The following SEL1L3 variants were observed in gnomAD, a reference collection of about 807,000 sequenced individuals.
SEL1L3 encodes SEL1L family member 3.
A neutral mutation model predicts 142.8 loss-of-function variants in SEL1L3; 76 were observed. The observed-to-expected ratio is 0.53, with a 90% CI of 0.44 to 0.64. SEL1L3 has a LOEUF of 0.64. Ranked by LOEUF, SEL1L3 falls within the 30% of genes least tolerant of loss-of-function variation. The probability of loss-of-function intolerance (pLI) is 0.00; values close to 1 mark genes in which losing one functional copy is unlikely to be tolerated. For missense variants in SEL1L3, 1,262 were observed against 1,381.7 expected (o/e 0.91, Z 1.37); for synonymous variants, 504 against 519.6 (o/e 0.97, Z 0.41).
intron 12 of SEL1L3, 75 bp downstream of exon 12, chr4:25,790,380 G>T: frequency 7.1e-7 from 1 of 1,413,264 alleles, no homozygotes; most frequent in South Asian, 1.2e-5. Context: ...TGCAGTTTGA[G>T]ATGTTTCATT....
intron 13 of SEL1L3, among the ~76,000 whole-genome samples, chr4:25,786,937 G>T (rs1186817177): frequency 6.6e-6 from 1 of 152,218 alleles, no homozygotes; most frequent in Admixed American, 6.5e-5. Context: ...CCACAGCTGT[G>T]TTCTGGAGAT....
the SEL1L3 span, among the ~76,000 whole-genome samples, chr4:25,734,277 C>G: frequency 1.3e-5 from 2 of 152,122 alleles, no homozygotes; most frequent in Non-Finnish European, 2.9e-5. Context: ...AACTCCTGAC[C>G]TCAGGTGATC....
chr4:25,741,168 G>A, the SEL1L3 span, among the ~76,000 whole-genome samples: 3 of 150,514 alleles, frequency 2.0e-5, no homozygotes, highest in African/African-American at 7.4e-5. Context: ...GCAGTGGTGC[G>A]ATCTCGGCTC....
intron 1 of SEL1L3, among the ~76,000 whole-genome samples, chr4:25,851,887 CAAAAAAAAAAAA>C (rs35600659): frequency 3.4e-5 from 2 of 59,608 alleles, no homozygotes; most frequent in Non-Finnish European, 7.2e-5. Flanking sequence ...GACTCTGTCT[CAAAAAAAAAAAA>C]AAAAAAAAGG....
At chr4:25,806,648 G>A (rs1311414145) in intron 9 of SEL1L3, among the ~76,000 whole-genome samples, 2 of 152,134 alleles carry the variant, frequency 1.3e-5, no homozygotes. Flanking sequence ...GGGGAAGGAT[G>A]CAGCCACCAC....
chr4:25,767,741 G>A lies in SEL1L3; in HGVS notation c.2759C>T (p.Pro920Leu). 6.4e-7 allele frequency: 1 copy of A among 1,564,200 alleles called. No individual in the cohort carries two copies. Among genetic ancestry groups the A allele is most frequent in the African/African-American group, 1.4e-5 (1 of 73,950 alleles). Residue 920 changes from proline (P) to leucine (L), a missense_variant and splice_region_variant, in exon 18 of 24, where the codon CCA becomes CTA. Pro to Leu is a moderately conservative substitution (Grantham distance 98). Transcript: ENST00000399878. ...TCTGAGAAGAATACATTTACTTACT[G>A]GCCTCTCCTCACAGATGTGTGCTAA... ...TNLAHICEERPDLARRYLGVN... is the reference protein window; with the variant it reads ...TNLAHICEERLDLARRYLGVN...
At chr4:25,850,192 C>T (rs1281808309) in intron 1 of SEL1L3, among the ~76,000 whole-genome samples, 1 of 152,140 alleles carries the variant, frequency 6.6e-6, no homozygotes, top group Non-Finnish European at 1.5e-5. Flanking sequence ...CGAATGTGAA[C>T]TTTTATTCTA....
At chr4:25,829,237 C>T (rs59660106) in intron 6 of SEL1L3, among the ~76,000 whole-genome samples, 1,553 of 152,170 alleles carry the variant, frequency 0.01, 24 homozygotes, top group African/African-American at 0.035. Context: ...CCTCCCAAAG[C>T]GCTGGGATTA....
At chr4:25,817,233 A>G (rs912830112) in intron 9 of SEL1L3, among the ~76,000 whole-genome samples, 1 of 152,204 alleles carries the variant, frequency 6.6e-6, no homozygotes, top group African/African-American at 2.4e-5. Context: ...GGCGGTGGGT[A>G]CAATGTAAGA....
In SEL1L3 at chr4:25,750,385, T is replaced by C. The variant is rs545375174; in HGVS notation, c.3260-1821A>G. 2.0e-5 allele frequency among the ~76,000 whole-genome samples: 3 copies of C among 152,258 alleles called. No homozygotes were observed. The East Asian group carries it at 5.8e-4, about 29-fold the overall frequency. On this transcript the variant is annotated intron_variant, in intron 23 of 23. Transcript: ENST00000399878. ...GTCCTTTACAGAAAAAGTTTGCTGA[T>C]CTCTGCTGTTAGGAAGAACATCTGC...
Position 25,818,630 on chromosome 4 carries a change from T to C in SEL1L3, c.1424-352A>G, listed in dbSNP as rs151293005. Reference sequence around the variant, plus strand: ...AGGGAGGCAAAGCAGTTCAAGATGATAGGAAAATCTTCCTAATGCCACCAA... The same window carrying C: ...AGGGAGGCAAAGCAGTTCAAGATGACAGGAAAATCTTCCTAATGCCACCAA... On this transcript the variant is annotated intron_variant, in intron 8 of 23. Transcript: ENST00000399878. 2.1e-3 allele frequency among the ~76,000 whole-genome samples: 313 copies of C among 152,290 alleles called. 1 individual carries two copies. The highest frequency in any genetic ancestry group is 7.3e-3 in the African/African-American group (303 of 41,564).
In SEL1L3 at chr4:25,776,319, T is replaced by C. The variant is rs1381229458; in HGVS notation, c.2627A>G (p.His876Arg). ...HVAEKNGYLG[H>R]VIRKGLNAYL... ...GGCATTGAGGCCTTTGCGGATGACA[T>C]GGCCCAAGTAGCCATTTTTCTCAGC... Residue 876 changes from histidine (H) to arginine (R), a missense_variant, in exon 17 of 24, where the codon CAT becomes CGT. Around this residue, in one of 3 missense-constraint regions of SEL1L3, gnomAD observed 435 missense variants for 559.2 expected, o/e 0.78. Coordinates refer to ENST00000399878, the MANE Select transcript of SEL1L3 (RefSeq NM_015187.5). The C allele has an allele frequency of 6.2e-7, 1 of 1,613,016 alleles. No individual in the cohort carries two copies. Among genetic ancestry groups the C allele is most frequent in the African/African-American group, 1.3e-5 (1 of 74,794 alleles).
At chr4:25,728,860 CAAAAAAA>C in the SEL1L3 span, among the ~76,000 whole-genome samples, 2 of 95,124 alleles carry the variant, frequency 2.1e-5, no homozygotes, top group Admixed American at 1.2e-4. Flanking sequence ...AGACTTGTGT[CAAAAAAA>C]AAAAAAAAAA....
At chr4:25,837,629 C>T (rs1039656900) in intron 2 of SEL1L3, among the ~76,000 whole-genome samples, 4 of 151,900 alleles carry the variant, frequency 2.6e-5, no homozygotes, top group South Asian at 2.1e-4. Context: ...TGTAGCTTTG[C>T]GATGTGTATA....
At chr4:25,854,635 T>C (rs1201118227) in intron 1 of SEL1L3, among the ~76,000 whole-genome samples, 4 of 152,166 alleles carry the variant, frequency 2.6e-5, no homozygotes, top group East Asian at 1.9e-4. Context: ...ACAGAAGATA[T>C]GCTTTGTTAG....
At chr4:25,819,668 G>A (rs949922887) in intron 8 of SEL1L3, 140 bp downstream of exon 8, 7 of 675,714 alleles carry the variant, frequency 1.0e-5, no homozygotes, top group Middle Eastern at 2.5e-4. Context: ...ACCAGTGGAG[G>A]GCTCAAGGTC....
chr4:25,741,018 C>A, the SEL1L3 span, among the ~76,000 whole-genome samples: 1 of 152,072 alleles, frequency 6.6e-6, no homozygotes, highest in African/African-American at 2.4e-5. Context: ...CTCCTGACCT[C>A]AAGTGATATG....
At chr4:25,774,617 T>C (rs974723601) in intron 17 of SEL1L3, among the ~76,000 whole-genome samples, 1 of 152,136 alleles carries the variant, frequency 6.6e-6, no homozygotes, top group Admixed American at 6.5e-5. Flanking sequence ...TCCCAACACT[T>C]TGGGAGGCCA....
intron 9 of SEL1L3, among the ~76,000 whole-genome samples, chr4:25,808,118 A>C (rs746567700): frequency 6.6e-6 from 1 of 152,258 alleles, no homozygotes; most frequent in Non-Finnish European, 1.5e-5. Flanking sequence ...TTTTAAAGTC[A>C]GTTTAATGAA....
Sources: gnomAD v4.1 joint callset for allele counts (sites outside exome capture counted in the v4.1 genomes callset) on GRCh38, gnomAD v4.1.1 for gene constraint, gnomAD v4.1.1 regional missense constraint, MANE v1.5 for transcripts, NCBI Gene and HGNC (gene_info 2026-07-23, HGNC 2026-07-21) for gene names.